Variants in TTC27 observed in about 807,000 individuals in gnomAD.
TTC27 encodes tetratricopeptide repeat domain 27.
A neutral mutation model predicts 115.9 loss-of-function variants in TTC27; 79 were observed. That is an observed-to-expected ratio of 0.68 (90% CI 0.57 to 0.82). TTC27 has a LOEUF of 0.82. TTC27 is among the 40% of genes least tolerant of loss of function. The pLI is 0.00. For synonymous variants in TTC27, 401 were observed against 356.0 expected, an observed-to-expected ratio of 1.13 and a Z score of -1.42; for missense variants, 1,054 against 993.1, an observed-to-expected ratio of 1.06 and a Z score of -0.82.
intron 13 of TTC27, among the ~76,000 whole-genome samples, chr2:32,760,258 A>C (rs1159531035): frequency 6.6e-6 from 1 of 152,254 alleles, no homozygotes; most frequent in Non-Finnish European, 1.5e-5. Flanking sequence ...ACAGAATATC[A>C]GCAGAAACTA....
At chr2:32,656,781 G>A (rs1003746118) in intron 5 of TTC27, among the ~76,000 whole-genome samples, 3 of 151,960 alleles carry the variant, frequency 2.0e-5, no homozygotes, top group Non-Finnish European at 2.9e-5. Flanking sequence ...TTCTGATAAG[G>A]TTTGTTCAAT....
At chr2:32,725,226 CA>C (rs1352151171) in intron 10 of TTC27, among the ~76,000 whole-genome samples, 1 of 152,134 alleles carries the variant, frequency 6.6e-6, no homozygotes, top group African/African-American at 2.4e-5. Context: ...CATGCCATCC[CA>C]ACAGTCCCCC....
At chr2:32,760,523 G>A (rs936018744) in intron 13 of TTC27, among the ~76,000 whole-genome samples, 2 of 152,128 alleles carry the variant, frequency 1.3e-5, no homozygotes, top group Non-Finnish European at 2.9e-5. Flanking sequence ...GGCCTGTCAT[G>A]CCACTAGTGC....
intron 9 of TTC27, among the ~76,000 whole-genome samples, chr2:32,699,920 G>T (rs1049727437): frequency 6.6e-6 from 1 of 152,182 alleles, no homozygotes; most frequent in African/African-American, 2.4e-5. Flanking sequence ...GTGTGTCTTT[G>T]TTATCTAAGG....
At chr2:32,635,395 G>T (rs1369772513) in intron 3 of TTC27, 1 of 153,576 alleles carries the variant, frequency 6.5e-6, no homozygotes, top group Non-Finnish European at 1.5e-5. Context: ...AGAATTAGGT[G>T]TAGCAAGTAG....
chr2:32,668,570 C>CTTCCTTCCTTCA, intron 7 of TTC27, among the ~76,000 whole-genome samples: 1 of 121,222 alleles, frequency 8.2e-6, no homozygotes, highest in South Asian at 3.9e-4. Flanking sequence ...CCCTTCCTTC[C>CTTCCTTCCTTCA]TTCCTTCCTT....
rs147402419 is a variant in TTC27 at position 32,630,831 on chromosome 2, C to T, written c.266+131C>T. The T allele has an allele frequency of 4.8e-4, 363 of 761,790 alleles. No homozygotes were observed. In the African/African-American group the frequency reaches 5.8e-3, roughly 12 times the overall value. 47.2% of individuals were successfully genotyped at this position (761,790 alleles called of 1,614,324 possible). Reference sequence around the variant, plus strand: ...ATTTTACTCAAGACTCATGGTGTACCAAGTAATCTATGTAAAAACTCATCC... The same window carrying T: ...ATTTTACTCAAGACTCATGGTGTACTAAGTAATCTATGTAAAAACTCATCC... On this transcript the variant is annotated intron_variant, in intron 2 of 19. Transcript: ENST00000317907.
chr2:32,703,313 A>G (rs529054811), intron 10 of TTC27, among the ~76,000 whole-genome samples: 1 of 152,284 alleles, frequency 6.6e-6, no homozygotes, highest in Admixed American at 6.5e-5. Context: ...CTGAAAATAC[A>G]AAAATTAGCC....
At chr2:32,690,323 C>A (rs1220291161) in intron 9 of TTC27, among the ~76,000 whole-genome samples, 1 of 151,954 alleles carries the variant, frequency 6.6e-6, no homozygotes, top group Non-Finnish European at 1.5e-5. Flanking sequence ...TCAAAATTTG[C>A]CAAGCATGCT....
chr2:32,740,804 A>G (rs1668608177), intron 12 of TTC27, among the ~76,000 whole-genome samples: 1 of 151,988 alleles, frequency 6.6e-6, no homozygotes, highest in Non-Finnish European at 1.5e-5. Context: ...ACAGGCGTGC[A>G]GCACCTTGCC....
intron 4 of TTC27, among the ~76,000 whole-genome samples, chr2:32,644,263 TA>T (rs1443823863): frequency 1.7e-4 from 25 of 149,224 alleles, no homozygotes; most frequent in African/African-American, 5.7e-4. Flanking sequence ...GAGGCAGGAA[TA>T]TTGCTTGAAC....
At chr2:32,628,455 A>C in intron 1 of TTC27, 75 bp downstream of exon 1, 8 of 1,353,286 alleles carry the variant, frequency 5.9e-6, no homozygotes, top group Non-Finnish European at 6.9e-6. Context: ...ACTGATTCTC[A>C]TCCCTCCCTT....
chr2:32,679,837 C>G (rs372628162), intron 9 of TTC27, among the ~76,000 whole-genome samples: 19 of 152,180 alleles, frequency 1.2e-4, no homozygotes, highest in African/African-American at 4.6e-4. Flanking sequence ...ACCAAAAATA[C>G]AAAAATTACC....
chr2:32,773,969 GTT>G (rs1669912166), intron 13 of TTC27, among the ~76,000 whole-genome samples: 2 of 152,142 alleles, frequency 1.3e-5, no homozygotes, highest in South Asian at 4.1e-4. Context: ...AATGTGACTA[GTT>G]GAAATTGATC....
chr2:32,663,261 C>G (rs922928022), intron 5 of TTC27, among the ~76,000 whole-genome samples: 2 of 152,182 alleles, frequency 1.3e-5, no homozygotes, highest in Admixed American at 1.3e-4. Flanking sequence ...TCTGCCCAAA[C>G]GGCTGCCCAG....
intron 10 of TTC27, among the ~76,000 whole-genome samples, chr2:32,719,489 G>C (rs1667855930): frequency 6.6e-6 from 1 of 152,160 alleles, no homozygotes; most frequent in South Asian, 2.1e-4. Context: ...CAAGATCTCA[G>C]GTCAAAGCAG....
intron 2 of TTC27, among the ~76,000 whole-genome samples, chr2:32,631,673 C>T (rs988592248): frequency 1.3e-5 from 2 of 152,166 alleles, no homozygotes; most frequent in African/African-American, 2.4e-5. Context: ...TTCATTTAGT[C>T]CTTCAACAAA....
intron 13 of TTC27, among the ~76,000 whole-genome samples, chr2:32,772,077 T>A (rs1407260808): frequency 6.6e-6 from 1 of 152,204 alleles, no homozygotes; most frequent in East Asian, 1.9e-4. Context: ...ATTGCAGATG[T>A]GTCTTAAATA....
chr2:32,816,223 A>G (rs541554221), intron 18 of TTC27, among the ~76,000 whole-genome samples: 2 of 152,106 alleles, frequency 1.3e-5, no homozygotes, highest in African/African-American at 4.8e-5. Context: ...AGGCTGAGGT[A>G]GGAGAATCAC....
Sources: gnomAD v4.1 joint callset for allele counts (sites outside exome capture counted in the v4.1 genomes callset) on GRCh38, gnomAD v4.1.1 for gene constraint, MANE v1.5 for transcripts, NCBI Gene and HGNC (gene_info 2026-07-23, HGNC 2026-07-21) for gene names.